LIN7A: variants seen among roughly 807,000 people sequenced by gnomAD.
LIN7A encodes protein lin-7 homolog A.
A neutral mutation model predicts 29.8 loss-of-function variants in LIN7A; 25 were observed. The ratio of observed to expected loss-of-function variants is 0.84; its 90% CI spans 0.61 to 1.17. The LOEUF (loss-of-function observed/expected upper bound fraction) is 1.17, where lower values mean the gene tolerates loss of function less well. Ranked by LOEUF, LIN7A falls within the 50% of genes most tolerant of loss-of-function variation. LIN7A has a pLI of 0.00. For synonymous variants in LIN7A, 118 were observed against 107.5 expected, an observed-to-expected ratio of 1.10 and a Z score of -0.60; for missense variants, 239 against 287.0, an observed-to-expected ratio of 0.83 and a Z score of 1.21.
chr12:80,875,889 A>T (rs780994225), intron 2 of LIN7A, among the ~76,000 whole-genome samples: 1 of 152,198 alleles, frequency 6.6e-6, no homozygotes, highest in African/African-American at 2.4e-5. Context: ...TATAGATTTG[A>T]AACTGTTCTG....
chr12:80,874,355 A>G (rs1874576912), intron 2 of LIN7A, among the ~76,000 whole-genome samples: 1 of 152,250 alleles, frequency 6.6e-6, no homozygotes, highest in Admixed American at 6.5e-5. Context: ...TACATTTGCT[A>G]AAGTTTGGAC....
chr12:80,818,899 T>C (rs1051000391), intron 4 of LIN7A, among the ~76,000 whole-genome samples: 1 of 152,252 alleles, frequency 6.6e-6, no homozygotes, highest in Non-Finnish European at 1.5e-5. Context: ...GGAAATCTTA[T>C]GATTTTGCCT....
At chr12:80,800,091 C>T (rs1264847399) in intron 5 of LIN7A, among the ~76,000 whole-genome samples, 2 of 152,150 alleles carry the variant, frequency 1.3e-5, no homozygotes, top group Non-Finnish European at 2.9e-5. Flanking sequence ...AAAGTGGTCA[C>T]ATCACTACAA....
intron 1 of LIN7A, among the ~76,000 whole-genome samples, chr12:80,899,593 G>A (rs1876088965): frequency 6.6e-6 from 1 of 151,754 alleles, no homozygotes; most frequent in South Asian, 2.1e-4. Context: ...GGGAAAATTT[G>A]GTCATGAATC....
At chr12:80,851,256 C>A (rs1873316436) in intron 2 of LIN7A, among the ~76,000 whole-genome samples, 1 of 151,920 alleles carries the variant, frequency 6.6e-6, no homozygotes, top group Non-Finnish European at 1.5e-5. Context: ...AATTTTGAAA[C>A]CAATAAATTC....
chr12:80,807,063 G>GTTTTTTTTTTGTTTTTTTT (rs1871029199), intron 5 of LIN7A, among the ~76,000 whole-genome samples: 8 of 53,588 alleles, frequency 1.5e-4, no homozygotes, highest in Admixed American at 4.4e-4. Flanking sequence ...TGAAGATGGA[G>GTTTTTTTTTTGTTTTTTTT]TTTTTTTTTT....
chr12:80,896,077 AC>A (rs1366301857), intron 1 of LIN7A, among the ~76,000 whole-genome samples: 1 of 152,232 alleles, frequency 6.6e-6, no homozygotes, highest in Admixed American at 6.5e-5. Flanking sequence ...CACTGGAATA[AC>A]CTATAGTGGT....
At position 80,792,568 on chromosome 12, in the gene LIN7A, C is replaced by T. The variant is rs1870252816; in HGVS notation, c.*5159G>A. 6.6e-6 allele frequency: 1 copy of T among 152,188 alleles called. No homozygotes were observed. Among genetic ancestry groups the T allele is most frequent in the African/African-American group, 2.4e-5 (1 of 41,458 alleles). The allele number at this position is 152,188 out of a possible 1,614,324, so 9.4% of individuals were successfully genotyped here. A position where few individuals can be genotyped will look rare whatever the true frequency, so the allele number is the denominator to read the frequency against. ...CCCAGCAGCATAATACCACTTTGGTCAGGTTGAACCACTGCACAATTTTGC... is the reference window on the plus strand; with the variant it reads ...CCCAGCAGCATAATACCACTTTGGTTAGGTTGAACCACTGCACAATTTTGC... On this transcript the variant is annotated 3_prime_UTR_variant, in exon 6 of 6. Transcript: ENST00000552864.
chr12:80,922,541 T>G (rs1202786514), intron 1 of LIN7A, among the ~76,000 whole-genome samples: 1 of 152,182 alleles, frequency 6.6e-6, no homozygotes, highest in African/African-American at 2.4e-5. Context: ...ACAGTCATGA[T>G]CTCTTGGTTC....
chr12:80,833,554 T>C (rs1872473378), intron 4 of LIN7A, among the ~76,000 whole-genome samples: 2 of 152,178 alleles, frequency 1.3e-5, no homozygotes, highest in South Asian at 4.1e-4. Context: ...CCTATAAAAA[T>C]TCATGTCATT....
At chr12:80,823,818 T>A (rs10862192) in intron 4 of LIN7A, among the ~76,000 whole-genome samples, 75,262 of 152,046 alleles carry the variant, frequency 0.49, 19,549 homozygotes, top group African/African-American at 0.66. Context: ...TACAAATCTT[T>A]GAACTGAATA....
intron 5 of LIN7A, among the ~76,000 whole-genome samples, chr12:80,799,420 A>G (rs1870610449): frequency 6.6e-6 from 1 of 152,216 alleles, no homozygotes; most frequent in African/African-American, 2.4e-5. Context: ...TCCATAAACT[A>G]TAAATATGTT....
chr12:80,895,776 C>T (rs1478032984), intron 1 of LIN7A, among the ~76,000 whole-genome samples: 1 of 152,096 alleles, frequency 6.6e-6, no homozygotes, highest in African/African-American at 2.4e-5. Context: ...AGATATAATG[C>T]CTTGAAGTGC....
chr12:80,822,318 G>A (rs1458533250), intron 4 of LIN7A, among the ~76,000 whole-genome samples: 1 of 152,218 alleles, frequency 6.6e-6, no homozygotes, highest in East Asian at 1.9e-4. Flanking sequence ...AGCACTTTGG[G>A]AGGCTGAGGT....
chr12:80,922,281 T>C lies in LIN7A; in HGVS notation c.82+15360A>G, dbSNP rs554759194. ...AATGATGTTGGATAAGAACAGTCTA[T>C]GTCTTTTAGGACATTCACAAGTAAC... On this transcript the variant is annotated intron_variant, in intron 1 of 5. Coordinates refer to ENST00000552864, the MANE Select transcript of LIN7A (RefSeq NM_004664.4). Among the ~76,000 whole-genome samples the C allele has an allele frequency of 5.9e-5, 9 of 152,330 alleles. No individual in the cohort carries two copies. The East Asian group carries it at 1.3e-3, about 23-fold the overall frequency.
At chr12:80,889,642 T>G (rs181186931) in intron 1 of LIN7A, among the ~76,000 whole-genome samples, 87 of 152,312 alleles carry the variant, frequency 5.7e-4, no homozygotes, top group African/African-American at 2.1e-3. Flanking sequence ...AGTAAAGAGT[T>G]GGACACATGT....
chr12:80,821,368 G>A (rs1433518389), intron 4 of LIN7A, among the ~76,000 whole-genome samples: 1 of 152,100 alleles, frequency 6.6e-6, no homozygotes, highest in Non-Finnish European at 1.5e-5. Flanking sequence ...CATGTGCACA[G>A]TGCATAGTAG....
chr12:80,824,402 G>T (rs964011787), intron 4 of LIN7A, among the ~76,000 whole-genome samples: 1 of 151,842 alleles, frequency 6.6e-6, no homozygotes, highest in Non-Finnish European at 1.5e-5. Context: ...AAAAAGTCCA[G>T]GACCAGATGG....
intron 2 of LIN7A, among the ~76,000 whole-genome samples, chr12:80,854,121 C>T (rs1273054251): frequency 6.6e-6 from 1 of 151,984 alleles, no homozygotes; most frequent in Non-Finnish European, 1.5e-5. Flanking sequence ...GCTATTTATC[C>T]AAGATAAAGA....
Sources: allele counts gnomAD v4.1 joint callset (sites outside exome capture counted in the v4.1 genomes callset), GRCh38; gene constraint gnomAD v4.1.1; transcripts MANE v1.5; gene names NCBI Gene and HGNC (gene_info 2026-07-23, HGNC 2026-07-21).